The following COG5 variants were observed in gnomAD, a reference collection of about 807,000 sequenced individuals.
COG5 encodes conserved oligomeric Golgi complex subunit 5.
A neutral mutation model predicts 110.4 loss-of-function variants in COG5; 86 were observed. That is an observed-to-expected ratio of 0.78 (90% CI 0.65 to 0.93). The LOEUF (loss-of-function observed/expected upper bound fraction) is 0.93. Ranked by LOEUF, COG5 falls within the 40% of genes least tolerant of loss-of-function variation. The pLI, the probability that COG5 is intolerant of heterozygous loss-of-function variation, is 0.00. For synonymous variants in COG5, 360 were observed against 334.6 expected (o/e 1.08, Z -0.83); for missense variants, 1,077 against 987.0 (o/e 1.09, Z -1.22).
chr7:107,393,976 T>G (rs1790807868), intron 7 of COG5, among the ~76,000 whole-genome samples: 2 of 151,966 alleles, frequency 1.3e-5, no homozygotes, highest in Non-Finnish European at 2.9e-5. Context: ...TTATTTTTTT[T>G]TTTGAGATGG....
Position 107,548,291 on chromosome 7 carries a change from C to T in COG5, c.334G>A (p.Gly112Arg). ...TAAGAACAGTACCTATCAACAGCTC[C>T]CTGTAAAGCCCCAATTCTCGTCTGC... ...MMQTRIGALQ[G>R]AVDRIKAKIV... is the part of the protein sequence containing the mutation. The change falls in exon 4 of 22, where the codon GGA becomes AGA. Residue 112 changes from glycine to arginine, a missense_variant. Physicochemically the swap from Gly to Arg is moderately radical, Grantham distance 125. Coordinates refer to ENST00000297135, the MANE Select transcript of COG5 (RefSeq NM_006348.5). The T allele has an allele frequency of 6.2e-7, 1 of 1,613,248 alleles. No homozygotes were observed. Among genetic ancestry groups the T allele is most frequent in the Non-Finnish European group, 8.5e-7 (1 of 1,179,266 alleles).
At chr7:107,212,034 T>C (rs529556203) in intron 19 of COG5, among the ~76,000 whole-genome samples, 1 of 152,284 alleles carries the variant, frequency 6.6e-6, no homozygotes, top group East Asian at 1.9e-4. Context: ...GGTCTTTCTT[T>C]ACCCCAACTT....
At chr7:107,554,708 C>T (rs1014217947) in intron 2 of COG5, among the ~76,000 whole-genome samples, 1 of 152,150 alleles carries the variant, frequency 6.6e-6, no homozygotes, top group Admixed American at 6.5e-5. Context: ...GGTGAGAACC[C>T]ATTCCTTACA....
At chr7:107,495,359 C>T (rs893481683) in intron 6 of COG5, among the ~76,000 whole-genome samples, 4 of 152,086 alleles carry the variant, frequency 2.6e-5, no homozygotes, top group Non-Finnish European at 4.4e-5. Context: ...GATTAAAGAA[C>T]TGAGCAAAAC....
intron 12 of COG5, among the ~76,000 whole-genome samples, chr7:107,284,988 CTG>C (rs1805503995): frequency 6.6e-6 from 1 of 152,196 alleles, no homozygotes; most frequent in Admixed American, 6.5e-5. Context: ...TTCTGGTCCA[CTG>C]ATATGACCTA....
In COG5 at chr7:107,222,350, C is replaced by T. The variant is rs376164450; in HGVS notation, c.2168+8265G>A. Among the ~76,000 whole-genome samples the T allele has an allele frequency of 3.9e-5, 6 of 152,234 alleles. No homozygotes were observed. The East Asian group carries it at 5.8e-4, about 15-fold the overall frequency. On this transcript the variant is annotated intron_variant, in intron 19 of 21. Coordinates refer to ENST00000297135, the MANE Select transcript of COG5 (RefSeq NM_006348.5). ...GAGGTGGCTTACAGGATTACAGGGGCGCATGGCACTATGCCCAGCTAATTT... is the reference window on the plus strand; with the variant it reads ...GAGGTGGCTTACAGGATTACAGGGGTGCATGGCACTATGCCCAGCTAATTT...
In COG5 at chr7:107,547,375, G is replaced by A. The variant is rs548321060; in HGVS notation, c.417+736C>T. Among the ~76,000 whole-genome samples, 6 of 152,156 alleles carry A rather than the reference G, an allele frequency of 3.9e-5. No homozygotes were observed. The East Asian group carries it at 5.8e-4, about 15-fold the overall frequency. ...CTCTATAGAAGGAACGTACCTCAAC[G>A]CAATAGAGGCCATATACGACCAGCC... On this transcript the variant is annotated intron_variant, in intron 5 of 21. Coordinates refer to ENST00000297135, the MANE Select transcript of COG5 (RefSeq NM_006348.5).
At chr7:107,465,505 T>C (rs888203498) in intron 6 of COG5, among the ~76,000 whole-genome samples, 9 of 152,270 alleles carry the variant, frequency 5.9e-5, no homozygotes, top group Admixed American at 4.6e-4. Flanking sequence ...CTCAATACTG[T>C]TAAGATGTCA....
intron 7 of COG5, among the ~76,000 whole-genome samples, chr7:107,408,513 C>G (rs942696305): frequency 6.6e-6 from 1 of 152,148 alleles, no homozygotes; most frequent in Non-Finnish European, 1.5e-5. Flanking sequence ...TTCTGGCTTC[C>G]TTTTAGTATG....
At chr7:107,526,886 C>T (rs995344900) in intron 6 of COG5, among the ~76,000 whole-genome samples, 4 of 151,966 alleles carry the variant, frequency 2.6e-5, no homozygotes. Flanking sequence ...CTAGCAGAAG[C>T]GGGTAGGCAT....
In COG5 at chr7:107,537,487, G is replaced by A. The variant is rs1801671149; in HGVS notation, c.418-10130C>T. ...CATCATTCTCAGCAAACTAACACAG[G>A]AAGAGAAAACCAAACGCTGCATATT... On this transcript the variant is annotated intron_variant, in intron 5 of 21. Transcript: ENST00000297135. 2.0e-5 allele frequency among the ~76,000 whole-genome samples: 3 copies of A among 152,030 alleles called. No homozygotes were observed. In the South Asian group the frequency reaches 6.2e-4, roughly 32 times the overall value.
At chr7:107,478,827 G>C (rs903126697) in intron 6 of COG5, among the ~76,000 whole-genome samples, 4 of 151,828 alleles carry the variant, frequency 2.6e-5, no homozygotes, top group Non-Finnish European at 4.4e-5. Flanking sequence ...TTAGACTTAA[G>C]GGTCAAAAAA....
chr7:107,353,197 G>A (rs1812315832), intron 10 of COG5, among the ~76,000 whole-genome samples: 1 of 151,978 alleles, frequency 6.6e-6, no homozygotes, highest in Non-Finnish European at 1.5e-5. Flanking sequence ...AGGCCGAGGT[G>A]GGCGGATCAC....
chr7:107,260,377 T>C (rs969564644), intron 14 of COG5, among the ~76,000 whole-genome samples: 15 of 152,104 alleles, frequency 9.9e-5, no homozygotes, highest in African/African-American at 3.6e-4. Flanking sequence ...TAGGCAAATC[T>C]ACATGGGCAA....
chr7:107,206,699 A>G (rs2116139571), intron 21 of COG5, among the ~76,000 whole-genome samples: 1 of 152,284 alleles, frequency 6.6e-6, no homozygotes, highest in Non-Finnish European at 1.5e-5. Context: ...TTGGCATTTA[A>G]AAGGATAAGA....
At chr7:107,309,188 C>G (rs900555596) in intron 11 of COG5, among the ~76,000 whole-genome samples, 2 of 151,930 alleles carry the variant, frequency 1.3e-5, no homozygotes, top group African/African-American at 4.8e-5. Context: ...CACTTTGCAT[C>G]TTCATTCTCT....
chr7:107,349,348 A>G (rs1271470544), intron 10 of COG5, among the ~76,000 whole-genome samples: 1 of 152,200 alleles, frequency 6.6e-6, no homozygotes, highest in Non-Finnish European at 1.5e-5. Flanking sequence ...GTGAAAACAA[A>G]AACAAATCCT....
At chr7:107,420,908 T>C (rs900694443) in intron 6 of COG5, among the ~76,000 whole-genome samples, 1 of 152,252 alleles carries the variant, frequency 6.6e-6, no homozygotes, top group Non-Finnish European at 1.5e-5. Context: ...TCTTTCTTGT[T>C]CTTCAAAGCT....
rs886699445 is a variant in COG5, at chr7:107,447,803, A to G, written c.539-35171T>C. 2.0e-5 allele frequency among the ~76,000 whole-genome samples: 3 copies of G among 152,202 alleles called. No individual in the cohort carries two copies. In the East Asian group the frequency reaches 5.8e-4, roughly 29 times the overall value. Reference sequence around the variant, plus strand: ...AAGTTCCAGGTTACAGCATTTCATAAATCAGGCTTTTATTCGGATTATAAA... The same window carrying G: ...AAGTTCCAGGTTACAGCATTTCATAGATCAGGCTTTTATTCGGATTATAAA... On this transcript the variant is annotated intron_variant, in intron 6 of 21. Transcript: ENST00000297135.
Sources: allele counts gnomAD v4.1 joint callset (sites outside exome capture counted in the v4.1 genomes callset), GRCh38; gene constraint gnomAD v4.1.1; transcripts MANE v1.5; gene names NCBI Gene and HGNC (gene_info 2026-07-23, HGNC 2026-07-21).